The following MUC5B variants were observed in gnomAD, a reference collection of about 807,000 sequenced individuals.
The protein encoded by MUC5B is mucin-5B.
A neutral mutation model predicts 376.9 loss-of-function variants in MUC5B; 116 were observed. The observed-to-expected ratio is 0.31, with a 90% confidence interval of 0.26 to 0.36. MUC5B has a LOEUF of 0.36. Ranked by LOEUF, MUC5B falls within the 10% of genes least tolerant of loss-of-function variation. MUC5B has a pLI of 1.00. For synonymous variants in MUC5B, 3,517 were observed against 3,390.9 expected (o/e 1.04, Z -1.29); for missense variants, 7,165 against 7,769.9 (o/e 0.92, Z 2.93).
chr11:1,261,572 C>T lies in MUC5B; in HGVS notation c.17253C>T (p.Thr5751=), dbSNP rs780347341. The T allele has an allele frequency of 8.7e-6, 14 of 1,607,672 alleles. No individual in the cohort carries two copies. The African/African-American group carries it at 1.9e-4, about 21-fold the overall frequency. The change falls in exon 49 of 49, where the codon ACC becomes ACT. Residue 5751 remains threonine (T), a synonymous_variant. Transcript: ENST00000529681. ...CVPAPMAPPH[T]RGFPAQEATA... ...CTGCGCCCATGGCTCCCCCACACAC[C>T]CGTGGCTTCCCGGCCCAGGAGGCCA... is the stretch of plus-strand genomic sequence containing the variant.
intron 44 of MUC5B, 124 bp from the exon 45 acceptor site, chr11:1,259,632 T>C (rs1862944636): frequency 3.2e-6 from 3 of 939,720 alleles, no homozygotes; most frequent in South Asian, 1.5e-5. Flanking sequence ...TCTTCGGGTA[T>C]AGGCCCAGGC....
chr11:1,258,492 G>A lies in MUC5B; in HGVS notation c.16593+125G>A, dbSNP rs1862906408. The A allele has an allele frequency of 1.7e-6, 2 of 1,155,504 alleles. No homozygotes were observed. The highest frequency in any genetic ancestry group is 2.4e-6 in the Non-Finnish European group (2 of 823,046). The allele number at this position is 1,155,504 out of a possible 1,614,324, so 71.6% of individuals were successfully genotyped here. A position where few individuals can be genotyped will look rare whatever the true frequency, so the allele number is the denominator to read the frequency against. Reference sequence around the variant, plus strand: ...GCCCTGAGGGCCGATCCGCACAGGGGCCCTGGACACGTCAGAGCTGGGACA... The same window carrying A: ...GCCCTGAGGGCCGATCCGCACAGGGACCCTGGACACGTCAGAGCTGGGACA... On this transcript the variant is annotated intron_variant, in intron 43 of 48. Coordinates refer to ENST00000529681, the MANE Select transcript of MUC5B (RefSeq NM_002458.3). This position sits in a 1 kb window ranked among gnomAD's most constrained non-coding sequence, Gnocchi z 5.5.
chr11:1,230,968 C>T lies in MUC5B; in HGVS notation c.1503C>T (p.Phe501=). 6.3e-7 allele frequency: 1 copy of T among 1,598,792 alleles called. No homozygotes were observed. The highest frequency in any genetic ancestry group is 2.3e-5 in the East Asian group (1 of 43,980). ...AIRVQADGGV[F]LNSIYTQLPL... ...GGGTCCAAGCGGACGGCGGCGTGTT[C>T]CTCAACTCCATCTACACGCAGCTGC... The change falls in exon 13 of 49, where the codon TTC becomes TTT. Residue 501 remains phenylalanine (F), a synonymous_variant. Transcript: ENST00000529681.
Position 1,248,486 on chromosome 11 carries a change from C to T in MUC5B, c.11606C>T (p.Thr3869Ile), listed in dbSNP as rs1311457054. 1.2e-6 allele frequency: 2 copies of T among 1,611,904 alleles called. No homozygotes were observed. The highest frequency in any genetic ancestry group is 2.2e-5 in the South Asian group (2 of 91,010). ...CACACTACCAAAGTGCCGACTACCACAACCACGGGCTTCACAGTCACCCCC... is the reference window on the plus strand; with the variant it reads ...CACACTACCAAAGTGCCGACTACCATAACCACGGGCTTCACAGTCACCCCC... Reference protein sequence around the residue: ...TAHTTKVPTTTTTGFTVTPSS... With the variant: ...TAHTTKVPTTITTGFTVTPSS... The change falls in exon 31 of 49, where the codon ACA becomes ATA. Residue 3869 changes from threonine to isoleucine, a missense_variant. Physicochemically the swap from Thr to Ile is moderately conservative, Grantham distance 89. This residue lies in a region of MUC5B where 242 missense variants were observed against 199.0 expected (regional missense o/e 1.22). Coordinates refer to ENST00000529681, the MANE Select transcript of MUC5B (RefSeq NM_002458.3).
In MUC5B at chr11:1,249,060, G is replaced by T. The variant is rs761652043; in HGVS notation, c.12180G>T (p.Gln4060His). Reference protein sequence around the residue: ...HTPAATTGTTQHSTPALSSPH... With the variant: ...HTPAATTGTTHHSTPALSSPH... ...CAGCAGCAACCACCGGTACCACCCA[G>T]CACTCGACTCCAGCCCTGTCCAGCC... Residue 4060 changes from glutamine to histidine, a missense_variant, in exon 31 of 49, where the codon CAG becomes CAT. Transcript: ENST00000529681. 3.7e-5 allele frequency: 59 copies of T among 1,609,968 alleles called. No individual in the cohort carries two copies. The highest frequency in any genetic ancestry group is 4.9e-5 in the Non-Finnish European group (58 of 1,179,276).
At chr11:1,226,924 G>T in intron 4 of MUC5B, 48 bp downstream of exon 4, 1 of 1,358,238 alleles carries the variant, frequency 7.4e-7, no homozygotes, top group South Asian at 1.2e-5. Context: ...CACACAGTGT[G>T]ACCTCCCCAC....
In MUC5B at chr11:1,251,696, TCTC is replaced by T. The variant is rs2133845396; in HGVS notation, c.14817_14819del (p.Ser4940del). 6.2e-7 allele frequency: 1 copy of T among 1,611,682 alleles called. No homozygotes were observed. Among genetic ancestry groups the T allele is most frequent in the East Asian group, 2.2e-5 (1 of 44,858 alleles). On this transcript the variant is annotated inframe_deletion, in exon 31 of 49. Coordinates refer to ENST00000529681, the MANE Select transcript of MUC5B (RefSeq NM_002458.3). Reference sequence around the variant, plus strand: ...CCCACTGGCTTCCCCAGCTCCCACTTCTCTACTCCCTGCTTCTGCAGGGCATTT... The same window carrying T: ...CCCACTGGCTTCCCCAGCTCCCACTTTACTCCCTGCTTCTGCAGGGCATTT...
chr11:1,223,152 T>A lies in MUC5B; in HGVS notation c.29T>A (p.Leu10Gln). 3 of 708,524 alleles carry A rather than the reference T, an allele frequency of 4.2e-6. No individual in the cohort carries two copies. Among genetic ancestry groups the A allele is most frequent in the Non-Finnish European group, 7.8e-6 (3 of 384,174 alleles). 43.9% of individuals were successfully genotyped at this position (708,524 alleles called of 1,614,324 possible). A position where few individuals can be genotyped will look rare whatever the true frequency, so the allele number is the denominator to read the frequency against. The stretch of plus-strand genomic sequence containing the variant: ...GGTGCCCCGAGCGCGTGCCGGACGC[T>A]GGTGTTGGCTCTGGCGGCCATGCTC... MGAPSACRTLVLALAAMLVV... is the reference protein window; with the variant it reads MGAPSACRTQVLALAAMLVV... The change falls in exon 1 of 49, where the codon CTG becomes CAG. Residue 10 changes from leucine (L) to glutamine (Q), a missense_variant. By Grantham distance (113) the Leu-to-Gln change is moderately radical (BLOSUM62 -2). Coordinates refer to ENST00000529681, the MANE Select transcript of MUC5B (RefSeq NM_002458.3).
intron 23 of MUC5B, 48 bp from the exon 24 acceptor site, chr11:1,236,338 C>A (rs755481595): frequency 1.9e-6 from 3 of 1,563,196 alleles, no homozygotes; most frequent in Non-Finnish European, 1.7e-6. Context: ...CAGGCCCCTC[C>A]CTGGGGGCCA....
chr11:1,246,857 C>G lies in MUC5B; in HGVS notation c.9977C>G (p.Thr3326Arg). ...FTATPSSSPGTALTPPVWIST... is the reference protein window; with the variant it reads ...FTATPSSSPGRALTPPVWIST... ...GCCACCCCCTCCTCCAGCCCAGGGA[C>G]GGCACTCACGCCTCCAGTGTGGATC... is the stretch of plus-strand genomic sequence containing the variant. The change falls in exon 31 of 49, where the codon ACG becomes AGG. Residue 3326 changes from threonine (T) to arginine (R), a missense_variant. Around this residue, in one of 31 missense-constraint regions of MUC5B, gnomAD observed 939 missense variants for 770.6 expected, o/e 1.22. Coordinates refer to ENST00000529681, the MANE Select transcript of MUC5B (RefSeq NM_002458.3). 1.2e-6 allele frequency: 2 copies of G among 1,610,374 alleles called. No individual in the cohort carries two copies. Among genetic ancestry groups the G allele is most frequent in the South Asian group, 1.1e-5 (1 of 90,954 alleles).
Position 1,252,970 on chromosome 11 carries a change from T to C in MUC5B, c.15207T>C (p.Tyr5069=), listed in dbSNP as rs1862744348. ...SDPSQPCDFH[Y]ECECICSMWG... ...CGAGCCAGCCCTGTGACTTCCACTA[T>C]GAGTGCGAGTGTGAGTGCGTCGGTG... The change falls in exon 33 of 49, where the codon TAT becomes TAC. Residue 5069 remains tyrosine (Y), a synonymous_variant. Coordinates refer to ENST00000529681, the MANE Select transcript of MUC5B (RefSeq NM_002458.3). 5 of 1,612,586 alleles carry C rather than the reference T, an allele frequency of 3.1e-6. No individual in the cohort carries two copies. The highest frequency in any genetic ancestry group is 4.2e-6 in the Non-Finnish European group (5 of 1,179,834).
At chr11:1,225,569 C>A in intron 1 of MUC5B, 112 bp from the exon 2 acceptor site, 1 of 957,312 alleles carries the variant, frequency 1.0e-6, no homozygotes, top group Non-Finnish European at 1.6e-6. Context: ...AGACCGCCAC[C>A]AAGGACCCCA....
At chr11:1,225,612 T>G in intron 1 of MUC5B, 69 bp from the exon 2 acceptor site, 1 of 1,433,866 alleles carries the variant, frequency 7.0e-7, no homozygotes, top group Non-Finnish European at 9.6e-7. Flanking sequence ...TGTGGCCAGG[T>G]CCGTGGTTGG....
At position 1,244,388 on chromosome 11, in the gene MUC5B, C is replaced by A; in HGVS notation, c.7508C>A (p.Pro2503His). The A allele has an allele frequency of 6.3e-7, 1 of 1,596,350 alleles. No individual in the cohort carries two copies. Among genetic ancestry groups the A allele is most frequent in the Non-Finnish European group, 8.6e-7 (1 of 1,167,838 alleles). The change falls in exon 31 of 49, where the codon CCC becomes CAC. Residue 2503 changes from proline (P) to histidine (H), a missense_variant. Pro to His is a moderately conservative substitution (Grantham distance 77). This residue lies in a region of MUC5B where 194 missense variants were observed against 268.5 expected (regional missense o/e 0.72). Coordinates refer to ENST00000529681, the MANE Select transcript of MUC5B (RefSeq NM_002458.3). The part of the protein sequence containing the change: ...TPHVSTTATT[P>H]TVTSSKATPF... The stretch of plus-strand genomic sequence containing the variant: ...CATGTGAGCACCACGGCCACGACAC[C>A]CACAGTCACCAGCTCCAAAGCCACT...
chr11:1,232,917 G>T, intron 17 of MUC5B, 96 bp from the exon 18 acceptor site: 3 of 1,465,900 alleles, frequency 2.0e-6, no homozygotes, highest in Non-Finnish European at 1.8e-6. Flanking sequence ...ATGCCCTTGC[G>T]ATCCCCACGT....
chr11:1,257,635 C>T lies in MUC5B; in HGVS notation c.16375C>T (p.Pro5459Ser), dbSNP rs1300227601. 7 of 1,598,828 alleles carry T rather than the reference C, an allele frequency of 4.4e-6. No homozygotes were observed. The highest frequency in any genetic ancestry group is 5.1e-6 in the Non-Finnish European group (6 of 1,178,258). ...LPCDAQGQPP[P>S]CNRPGFVTVT... ...CTGTGACGCCCAGGGTCAGCCCCCG[C>T]CGTGCAACCGTCCCGGCTTCGTAAC... The change falls in exon 41 of 49, where the codon CCG (proline) becomes TCG (serine). Residue 5459 changes from proline (P) to serine (S), a missense_variant. Coordinates refer to ENST00000529681, the MANE Select transcript of MUC5B (RefSeq NM_002458.3). The surrounding 1 kb of genome is among the most constrained non-coding windows in gnomAD (Gnocchi z 8.9).
chr11:1,242,412 G>T lies in MUC5B; in HGVS notation c.5532G>T (p.Gly1844=). 6.2e-7 allele frequency: 1 copy of T among 1,613,856 alleles called. No homozygotes were observed. Among genetic ancestry groups the T allele is most frequent in the Non-Finnish European group, 8.5e-7 (1 of 1,179,832 alleles). ...CCGAGGTAAGCATCGACCAGGTCGG[G>T]CAGGTGCTGACCTGCAGCCTGGAGA... is the stretch of plus-strand genomic sequence containing the variant. ...NYPEVSIDQV[G]QVLTCSLETG... is the part of the protein sequence containing the mutation. The change falls in exon 31 of 49, where the codon GGG becomes GGT. Residue 1844 remains glycine (G), a synonymous_variant. Coordinates refer to ENST00000529681, the MANE Select transcript of MUC5B (RefSeq NM_002458.3).
Position 1,233,157 on chromosome 11 carries a change from G to A in MUC5B, c.2210G>A (p.Gly737Asp). Residue 737 changes from glycine to aspartate, a missense_variant, in exon 18 of 49, where the codon GGC becomes GAC. Gly to Asp is a moderately conservative substitution (Grantham distance 94). Coordinates refer to ENST00000529681, the MANE Select transcript of MUC5B (RefSeq NM_002458.3). ...VPVDGCTCPA[G>D]TFLNDAGACV... ...GTGGACGGCTGCACCTGCCCCGCGG[G>A]CACCTTCCTCAATGACGCGGGCGCC... 6.2e-7 allele frequency: 1 copy of A among 1,606,456 alleles called. No homozygotes were observed. The highest frequency in any genetic ancestry group is 1.7e-5 in the Admixed American group (1 of 59,836).
chr11:1,228,424 G>A, intron 7 of MUC5B, 140 bp from the exon 8 acceptor site: 1 of 763,768 alleles, frequency 1.3e-6, no homozygotes, highest in South Asian at 1.9e-5. Context: ...GCCACAGTGG[G>A]TGGAAGGGGT....
Sources: gnomAD v4.1 joint callset for allele counts on GRCh38, gnomAD v4.1.1 for gene constraint, gnomAD v4.1.1 regional missense constraint, Gnocchi (gnomAD v3.1) non-coding constraint, MANE v1.5 for transcripts, NCBI Gene and HGNC (gene_info 2026-07-23, HGNC 2026-07-21) for gene names.